SNTB1: variants seen among roughly 807,000 people sequenced by gnomAD.
The protein encoded by SNTB1 is beta-1-syntrophin.
SNTB1 carries 36 observed loss-of-function variants against 48.9 expected under a neutral mutation model. The observed-to-expected ratio is 0.74, with a 90% CI of 0.56 to 0.97. The LOEUF (loss-of-function observed/expected upper bound fraction) is 0.97, where lower values mean the gene tolerates loss of function less well. Ranked by LOEUF, SNTB1 falls within the 50% of genes least tolerant of loss-of-function variation. The probability of loss-of-function intolerance (pLI) is 0.00; values close to 1 mark genes in which losing one functional copy is unlikely to be tolerated. For synonymous variants in SNTB1, 299 were observed against 294.6 expected (o/e 1.01, Z -0.15); for missense variants, 786 against 703.4 (o/e 1.12, Z -1.33).
At chr8:120,567,304 T>C (rs191521550) in intron 4 of SNTB1, among the ~76,000 whole-genome samples, 5 of 152,202 alleles carry the variant, frequency 3.3e-5, no homozygotes, top group Non-Finnish European at 7.4e-5. Context: ...AACAGCCAGG[T>C]AATTCTCATA....
chr8:120,660,327 G>C (rs1201523165), intron 2 of SNTB1, among the ~76,000 whole-genome samples: 1 of 152,200 alleles, frequency 6.6e-6, no homozygotes, highest in African/African-American at 2.4e-5. Flanking sequence ...ACCTTAGCTA[G>C]ATCTTCTGGA....
chr8:120,737,329 C>T (rs970336625), intron 1 of SNTB1, among the ~76,000 whole-genome samples: 2 of 152,084 alleles, frequency 1.3e-5, no homozygotes, highest in African/African-American at 4.8e-5. Context: ...TGAAAAAACA[C>T]TTTGTCGACT....
intron 1 of SNTB1, among the ~76,000 whole-genome samples, chr8:120,716,463 A>G (rs1818560127): frequency 1.3e-5 from 2 of 152,208 alleles, no homozygotes; most frequent in African/African-American, 4.8e-5. Context: ...ATTTTTGTGA[A>G]GGTCAATTCT....
At chr8:120,601,270 C>T (rs769989959) in intron 3 of SNTB1, among the ~76,000 whole-genome samples, 11 of 151,954 alleles carry the variant, frequency 7.2e-5, no homozygotes, top group Non-Finnish European at 1.3e-4. Context: ...GAGGTATGCA[C>T]GCATTACATA....
intron 1 of SNTB1, among the ~76,000 whole-genome samples, chr8:120,708,760 TAGAC>T (rs912758451): frequency 6.6e-5 from 10 of 152,158 alleles, no homozygotes; most frequent in Non-Finnish European, 1.2e-4. Context: ...TAAACTTTAA[TAGAC>T]AGTTATAGGA....
At chr8:120,801,314 C>T (rs1397987697) in intron 1 of SNTB1, among the ~76,000 whole-genome samples, 1 of 152,054 alleles carries the variant, frequency 6.6e-6, no homozygotes, top group Non-Finnish European at 1.5e-5. Context: ...GTCACCTCTT[C>T]TGTGAAACAT....
intron 4 of SNTB1, among the ~76,000 whole-genome samples, chr8:120,560,939 A>C (rs1784394768): frequency 6.6e-6 from 1 of 152,140 alleles, no homozygotes; most frequent in Non-Finnish European, 1.5e-5. Flanking sequence ...CGAGAATTTG[A>C]ACCCACGGCT....
At chr8:120,545,325 CAA>C (rs1178212466) in intron 5 of SNTB1, among the ~76,000 whole-genome samples, 3 of 152,092 alleles carry the variant, frequency 2.0e-5, no homozygotes, top group Admixed American at 1.3e-4. Context: ...GCCTGGGCAA[CAA>C]GAGTAAAACT....
rs112666395 is a variant in SNTB1 at position 120,715,606 on chromosome 8, G to A, written c.572-21698C>T. On this transcript the variant is annotated intron_variant, in intron 1 of 6. Coordinates refer to ENST00000517992, the MANE Select transcript of SNTB1 (RefSeq NM_021021.4). ...TTATAAACAAACAAAGTGGGTGAAA[G>A]GGTGGGAGACTCGATAAAGTTTCTG... 5.4e-3 allele frequency among the ~76,000 whole-genome samples: 817 copies of A among 152,318 alleles called. 8 individuals carry two copies. The highest frequency in any genetic ancestry group is 0.027 in the Middle Eastern group (8 of 294).
intron 1 of SNTB1, among the ~76,000 whole-genome samples, chr8:120,718,225 C>T (rs1818596533): frequency 6.6e-6 from 1 of 152,170 alleles, no homozygotes; most frequent in African/African-American, 2.4e-5. Context: ...AGCATCTGTC[C>T]TCCCTGTCTG....
intron 2 of SNTB1, among the ~76,000 whole-genome samples, chr8:120,655,994 A>G (rs998237237): frequency 7.9e-5 from 12 of 152,216 alleles, no homozygotes; most frequent in African/African-American, 2.9e-4. Flanking sequence ...GGAGGTGACA[A>G]CAGGGGTATT....
chr8:120,586,429 C>A (rs1313088159), intron 3 of SNTB1, among the ~76,000 whole-genome samples: 2 of 152,162 alleles, frequency 1.3e-5, no homozygotes, highest in Non-Finnish European at 2.9e-5. Context: ...AACCCTCTTC[C>A]TTGCCTTTTC....
At chr8:120,649,391 G>A (rs1817363300) in intron 2 of SNTB1, among the ~76,000 whole-genome samples, 1 of 133,694 alleles carries the variant, frequency 7.5e-6, no homozygotes, top group East Asian at 2.1e-4. Flanking sequence ...TAACAGACAG[G>A]ACCCTCAGCT....
At chr8:120,764,026 T>C (rs1300113268) in intron 1 of SNTB1, among the ~76,000 whole-genome samples, 3 of 152,232 alleles carry the variant, frequency 2.0e-5, no homozygotes, top group African/African-American at 2.4e-5. Flanking sequence ...AATTTGGCAA[T>C]GTTCTCAAAG....
At chr8:120,783,377 T>G (rs948470327) in intron 1 of SNTB1, among the ~76,000 whole-genome samples, 1 of 152,136 alleles carries the variant, frequency 6.6e-6, no homozygotes, top group African/African-American at 2.4e-5. Context: ...ATGAAAGTTA[T>G]GTTATACATG....
intron 4 of SNTB1, among the ~76,000 whole-genome samples, chr8:120,557,211 T>C (rs564644477): frequency 1.3e-5 from 2 of 152,294 alleles, no homozygotes; most frequent in African/African-American, 4.8e-5. Flanking sequence ...TAAGCATAAA[T>C]GTTTGCATTA....
At chr8:120,673,682 C>T (rs1012973168) in intron 2 of SNTB1, among the ~76,000 whole-genome samples, 1 of 152,002 alleles carries the variant, frequency 6.6e-6, no homozygotes, top group African/African-American at 2.4e-5. Flanking sequence ...GTGCCTGTTT[C>T]AGGGCCTCTT....
intron 1 of SNTB1, among the ~76,000 whole-genome samples, chr8:120,803,533 A>G (rs1206465967): frequency 1.3e-5 from 2 of 152,200 alleles, no homozygotes; most frequent in African/African-American, 4.8e-5. Context: ...AACGCTTAGT[A>G]GGCCAGTAGC....
intron 1 of SNTB1, among the ~76,000 whole-genome samples, chr8:120,725,818 A>C (rs941931981): frequency 2.0e-5 from 3 of 152,198 alleles, no homozygotes; most frequent in African/African-American, 7.2e-5. Context: ...CAACTCCTTC[A>C]TCTCCCCAGA....
Sources: allele counts gnomAD v4.1 joint callset (sites outside exome capture counted in the v4.1 genomes callset), GRCh38; gene constraint gnomAD v4.1.1; transcripts MANE v1.5; gene names NCBI Gene and HGNC (gene_info 2026-07-23, HGNC 2026-07-21).